GLYR1: variants seen among roughly 807,000 people sequenced by gnomAD.
GLYR1 encodes the protein glyoxylate reductase 1 homolog, also known as cytokine-like nuclear factor N-PAC.
A neutral mutation model predicts 72.7 loss-of-function variants in GLYR1; 21 were observed. The ratio of observed to expected loss-of-function variants is 0.29; its 90% CI spans 0.20 to 0.42. The LOEUF (loss-of-function observed/expected upper bound fraction) is 0.42, where lower values mean the gene tolerates loss of function less well. GLYR1 is among the 10% of genes least tolerant of loss of function. The pLI is 1.00. For missense variants in GLYR1, 594 were observed against 712.1 expected, an observed-to-expected ratio of 0.83 and a Z score of 1.89; for synonymous variants, 392 against 270.2, an observed-to-expected ratio of 1.45 and a Z score of -4.42.
At chr16:4,847,041 G>A in intron 1 of GLYR1, 187 bp downstream of exon 1, 1 of 582,100 alleles carries the variant, frequency 1.7e-6, no homozygotes, top group East Asian at 3.2e-5. Context: ...GGCCACCCTC[G>A]GCCTCGGTCC....
At chr16:4,809,799 C>A (rs2083221970) in intron 15 of GLYR1, among the ~76,000 whole-genome samples, 1 of 151,700 alleles carries the variant, frequency 6.6e-6, no homozygotes, top group Non-Finnish European at 1.5e-5. Flanking sequence ...TGGTGTGTGC[C>A]TGTAATCCCA....
intron 1 of GLYR1, chr16:4,847,021 T>C (rs949580091): frequency 4.6e-5 from 26 of 563,780 alleles, no homozygotes; most frequent in Non-Finnish European, 6.8e-5. Flanking sequence ...TCAAAGCCGG[T>C]GCCCGACGTG....
chr16:4,818,836 C>G (rs1387727504), intron 9 of GLYR1, among the ~76,000 whole-genome samples: 2 of 152,130 alleles, frequency 1.3e-5, no homozygotes. Flanking sequence ...AAATCCTTCT[C>G]CCCATGCCTG....
At chr16:4,831,284 C>T (rs576319392) in intron 5 of GLYR1, among the ~76,000 whole-genome samples, 9 of 152,328 alleles carry the variant, frequency 5.9e-5, no homozygotes, top group Admixed American at 5.9e-4. Context: ...CTGAGACTTT[C>T]CCCTCTGCAC....
At chr16:4,834,577 T>C (rs2085014898) in intron 3 of GLYR1, among the ~76,000 whole-genome samples, 1 of 152,112 alleles carries the variant, frequency 6.6e-6, no homozygotes, top group African/African-American at 2.4e-5. Context: ...CAAGCAATTC[T>C]GCCTCTATCT....
At chr16:4,811,416 C>T in intron 14 of GLYR1, 122 bp from the exon 15 acceptor site, 1 of 1,387,714 alleles carries the variant, frequency 7.2e-7, no homozygotes, top group Middle Eastern at 2.1e-4. Flanking sequence ...GCCTAGGCCT[C>T]TTGGCTCCTC....
At chr16:4,810,405 G>A (rs1210476077) in intron 15 of GLYR1, among the ~76,000 whole-genome samples, 1 of 151,888 alleles carries the variant, frequency 6.6e-6, no homozygotes. Flanking sequence ...GGCTACTTGG[G>A]AGGCAGAGGC....
intron 15 of GLYR1, 51 bp from the exon 16 acceptor site, chr16:4,805,361 A>G (rs753759237): frequency 2.0e-6 from 3 of 1,490,340 alleles, no homozygotes; most frequent in Admixed American, 1.8e-5. Context: ...TGCCTTCAAG[A>G]CCTAGACCTG....
chr16:4,816,721 C>T (rs1045668703), intron 10 of GLYR1, among the ~76,000 whole-genome samples: 1 of 152,058 alleles, frequency 6.6e-6, no homozygotes, highest in Admixed American at 6.5e-5. Flanking sequence ...CACAGTGGCT[C>T]ACACCCGTAA....
At chr16:4,846,135 C>G (rs1266417091) in intron 2 of GLYR1, 39 bp downstream of exon 2, 16 of 1,611,438 alleles carry the variant, frequency 9.9e-6, no homozygotes, top group Non-Finnish European at 1.3e-5. Flanking sequence ...CTCTTCAAAC[C>G]CAACTTCAGA....
In GLYR1 at chr16:4,816,104, A is replaced by G. The variant is rs546790049; in HGVS notation, c.907-1457T>C. The stretch of plus-strand genomic sequence containing the variant: ...TATTTTAATTACTCCTGATTACCGA[A>G]TATTTTTTATGCCTTTGTTTCCTCT... On this transcript the variant is annotated intron_variant, in intron 10 of 15. Transcript: ENST00000321919. Among the ~76,000 whole-genome samples, 104 of 152,084 alleles carry G rather than the reference A, an allele frequency of 6.8e-4. 1 individual carries two copies. The highest frequency in any genetic ancestry group is 2.4e-3 in the African/African-American group (99 of 41,498).
Position 4,813,823 on chromosome 16 carries a change from T to C in GLYR1, c.1033A>G (p.Ser345Gly), listed in dbSNP as rs1448548967. The C allele has an allele frequency of 1.2e-6, 2 of 1,611,880 alleles. No homozygotes were observed. Among genetic ancestry groups the C allele is most frequent in the Non-Finnish European group, 1.7e-6 (2 of 1,178,942 alleles). Residue 345 changes from serine (S) to glycine (G), a missense_variant, in exon 12 of 16, where the codon AGT (serine) becomes GGT (glycine). Coordinates refer to ENST00000321919, the MANE Select transcript of GLYR1 (RefSeq NM_032569.4). Reference protein sequence around the residue: ...KAAKDLVLGPSGVLQGIRPGK... With the variant: ...KAAKDLVLGPGGVLQGIRPGK... ...GGGCGGATCCCTTGCAGCACACCAC[T>C]GGGGCCCAGCACCAGCTGTGGGGAC...
chr16:4,838,185 G>A (rs1360339847), intron 3 of GLYR1, among the ~76,000 whole-genome samples: 1 of 152,122 alleles, frequency 6.6e-6, no homozygotes, highest in Non-Finnish European at 1.5e-5. Flanking sequence ...CAAATCAGGT[G>A]CCAGGTGAAA....
At position 4,806,897 on chromosome 16, in the gene GLYR1, C is replaced by T. The variant is rs539875025; in HGVS notation, c.1588-1587G>A. Among the ~76,000 whole-genome samples, 10 of 148,234 alleles carry T rather than the reference C, an allele frequency of 6.7e-5. No individual in the cohort carries two copies. In the South Asian group the frequency reaches 8.5e-4, roughly 13 times the overall value. The stretch of plus-strand genomic sequence containing the variant: ...GCTCACTGCCAGCTCTGCTCTGCCT[C>T]CCGGGTTCACGCCATTCTCCTGCTT... On this transcript the variant is annotated intron_variant, in intron 15 of 15. Coordinates refer to ENST00000321919, the MANE Select transcript of GLYR1 (RefSeq NM_032569.4).
intron 3 of GLYR1, among the ~76,000 whole-genome samples, chr16:4,837,535 C>G (rs2085222370): frequency 6.6e-6 from 1 of 151,890 alleles, no homozygotes; most frequent in Non-Finnish European, 1.5e-5. Flanking sequence ...TTCACATAGA[C>G]AGGTGACCCG....
chr16:4,846,671 C>T (rs191984209), intron 1 of GLYR1: 338 of 241,244 alleles, frequency 1.4e-3, no homozygotes, highest in African/African-American at 7.2e-3. Flanking sequence ...AGAAGCAGAC[C>T]GCGGGAGGCA....
rs779086330 is a variant in GLYR1, at chr16:4,814,665, C to G, written c.907-18G>C. Reference sequence around the variant, plus strand: ...AAATCACACTGCAAAAGTCACAGATCCTAACGTGAGCTGCAGGCAGTGCAC... The same window carrying G: ...AAATCACACTGCAAAAGTCACAGATGCTAACGTGAGCTGCAGGCAGTGCAC... On this transcript the variant is annotated intron_variant, in intron 10 of 15. Transcript: ENST00000321919. 6.3e-7 allele frequency: 1 copy of G among 1,575,232 alleles called. No individual in the cohort carries two copies.
At chr16:4,836,813 GAA>G (rs111581519) in intron 3 of GLYR1, among the ~76,000 whole-genome samples, 57 of 119,006 alleles carry the variant, frequency 4.8e-4, no homozygotes, top group African/African-American at 1.5e-3. Context: ...TATTATATTG[GAA>G]AAAAAAAAAA....
chr16:4,826,013 T>G (rs2084359732), intron 5 of GLYR1, among the ~76,000 whole-genome samples: 1 of 152,172 alleles, frequency 6.6e-6, no homozygotes, highest in African/African-American at 2.4e-5. Flanking sequence ...GTAACCTTGC[T>G]TAAGGTCACC....
Sources: gnomAD v4.1 joint callset for allele counts (sites outside exome capture counted in the v4.1 genomes callset) on GRCh38, gnomAD v4.1.1 for gene constraint, MANE v1.5 for transcripts, NCBI Gene and HGNC (gene_info 2026-07-23, HGNC 2026-07-21) for gene names.